The following DAB2IP variants were observed in gnomAD, a reference collection of about 807,000 sequenced individuals.
DAB2IP encodes DAB2 interacting protein.
In DAB2IP, 28 loss-of-function variants were observed where a neutral mutation model predicts 107.2. The ratio of observed to expected loss-of-function variants is 0.26; its 90% CI spans 0.19 to 0.36. DAB2IP has a LOEUF of 0.36. Among genes scored for constraint, DAB2IP ranks in the 10% least tolerant of loss-of-function variants. The probability of loss-of-function intolerance (pLI) is 1.00; values close to 1 mark genes in which losing one functional copy is unlikely to be tolerated. For synonymous variants in DAB2IP, 755 were observed against 706.4 expected, an observed-to-expected ratio of 1.07 and a Z score of -1.09; for missense variants, 1,400 against 1,644.7, an observed-to-expected ratio of 0.85 and a Z score of 2.57.
rs546740206 is a variant in DAB2IP, at chr9:121,599,777, G to C, written c.40+32549G>C. Among the ~76,000 whole-genome samples, 1 of 152,072 alleles carries C rather than the reference G, an allele frequency of 6.6e-6. No homozygotes were observed. Among genetic ancestry groups the C allele is most frequent in the South Asian group, 2.1e-4 (1 of 4,824 alleles). ...GGCCCGCGCGTAGAGGTAAAAGCTGGGGGCCGCGGCTCAGGTGGAGGGGGG... is the reference window on the plus strand; with the variant it reads ...GGCCCGCGCGTAGAGGTAAAAGCTGCGGGCCGCGGCTCAGGTGGAGGGGGG... On this transcript the variant is annotated intron_variant, in intron 1 of 16. Coordinates refer to the DAB2IP transcript ENST00000259371. The surrounding 1 kb of genome is among the most constrained non-coding windows in gnomAD (Gnocchi z 6.9).
Position 121,772,086 on chromosome 9 carries a change from G to A in DAB2IP, c.2079-521G>A, listed in dbSNP as rs1287846072. 1.3e-5 allele frequency among the ~76,000 whole-genome samples: 2 copies of A among 152,080 alleles called. No homozygotes were observed. The highest frequency in any genetic ancestry group is 2.4e-5 in the African/African-American group (1 of 41,402). ...GTTTTTGCCAGGAACTCCAGCCCCC[G>A]CCTGCCAGTCAAACAAGGGAGCGGC... On this transcript the variant is annotated intron_variant, in intron 11 of 15. Coordinates refer to ENST00000408936, the Ensembl canonical transcript of DAB2IP. This position sits in a 1 kb window ranked among gnomAD's most constrained non-coding sequence, Gnocchi z 4.7.
At chr9:121,773,559 A>T in intron 12 of DAB2IP, 64 bp downstream of exon 12, 1 of 1,373,756 alleles carries the variant, frequency 7.3e-7, no homozygotes, top group East Asian at 2.8e-5. Flanking sequence ...GTCATACCCC[A>T]TACCATGCTC....
At chr9:121,642,029 C>CTCCCTCTCTCTTTCTT (rs1832357161) in intron 1 of DAB2IP, among the ~76,000 whole-genome samples, 1 of 26,718 alleles carries the variant, frequency 3.7e-5, no homozygotes, top group Non-Finnish European at 7.4e-5. Context: ...CTCTCTCTCT[C>CTCCCTCTCTCTTTCTT]TCTTTCTTTC....
chr9:121,679,410 A>C (rs1828456032), intron 2 of DAB2IP, among the ~76,000 whole-genome samples: 1 of 143,126 alleles, frequency 7.0e-6, no homozygotes, highest in African/African-American at 2.6e-5. Flanking sequence ...GCATTTGTGC[A>C]TGTACACACA....
In DAB2IP at chr9:121,774,031, A is replaced by T. The variant is rs1834987369; in HGVS notation, c.2968-229A>T. ...TCACTCACTGTCCTCTTGGCAGCAG[A>T]GTGTGGTGCTCAGGAGGCCACCTGG... is the stretch of plus-strand genomic sequence containing the variant. On this transcript the variant is annotated intron_variant, in intron 12 of 15. Transcript: ENST00000408936. Among the ~76,000 whole-genome samples, 3 of 152,222 alleles carry T rather than the reference A, an allele frequency of 2.0e-5. No individual in the cohort carries two copies. In the South Asian group the frequency reaches 6.2e-4, roughly 32 times the overall value.
intron 1 of DAB2IP, among the ~76,000 whole-genome samples, chr9:121,646,004 C>T (rs1000998921): frequency 1.3e-5 from 2 of 152,118 alleles, no homozygotes; most frequent in African/African-American, 4.8e-5. Context: ...CTTAGAGTTC[C>T]GGCCTGTCCC....
chr9:121,628,242 G>T (rs918922788), intron 1 of DAB2IP, among the ~76,000 whole-genome samples: 2 of 152,220 alleles, frequency 1.3e-5, no homozygotes, highest in African/African-American at 4.8e-5. Context: ...TCAGAGAGTG[G>T]CTGTGATGTG....
At position 121,782,427 on chromosome 9, in the gene DAB2IP, A is replaced by C; in HGVS notation, c.3499A>C (p.Ile1167Leu). 6.2e-7 allele frequency: 1 copy of C among 1,614,112 alleles called. No homozygotes were observed. Among genetic ancestry groups the C allele is most frequent in the Non-Finnish European group, 8.5e-7 (1 of 1,179,978 alleles). Reference sequence around the variant, plus strand: ...GTACAGCATGCAAGCCCGTAACGGCATCTCCCCCACCAACCCCACCAAATT... The same window carrying C: ...GTACAGCATGCAAGCCCGTAACGGCCTCTCCCCCACCAACCCCACCAAATT... The change falls in exon 16 of 16, where the codon ATC becomes CTC. Residue 1167 changes from isoleucine (I) to leucine (L), a missense_variant. Transcript: ENST00000408936. The surrounding 1 kb of genome is among the most constrained non-coding windows in gnomAD (Gnocchi z 6.1).
At position 121,595,561 on chromosome 9, in the gene DAB2IP, C is replaced by T. The variant is rs149602468; in HGVS notation, c.40+28333C>T. On this transcript the variant is annotated intron_variant, in intron 1 of 16. Coordinates refer to the DAB2IP transcript ENST00000259371. ...GAGGCTGCAGTGAGTTATCATTATG[C>T]TACTGCACTCCAGCCTGGTTGAAAG... is the stretch of plus-strand genomic sequence containing the variant. 1.3e-4 allele frequency among the ~76,000 whole-genome samples: 19 copies of T among 149,292 alleles called. No homozygotes were observed. The East Asian group carries it at 3.7e-3, about 29-fold the overall frequency.
intron 1 of DAB2IP, among the ~76,000 whole-genome samples, chr9:121,619,792 C>A (rs1196801437): frequency 6.6e-6 from 1 of 152,158 alleles, no homozygotes; most frequent in East Asian, 1.9e-4. Context: ...GTAAGCATTG[C>A]CGTTTCTATT....
intron 2 of DAB2IP, among the ~76,000 whole-genome samples, chr9:121,694,872 T>C (rs113566055): frequency 0.024 from 3,687 of 152,256 alleles, 161 homozygotes; most frequent in African/African-American, 0.084. Flanking sequence ...AGCAGCCTTG[T>C]GCAAAAGCCC....
intron 3 of DAB2IP, among the ~76,000 whole-genome samples, chr9:121,704,902 T>G (rs952533297): frequency 4.6e-5 from 7 of 152,140 alleles, no homozygotes; most frequent in African/African-American, 1.7e-4. Flanking sequence ...AAGCCAGGCA[T>G]TGGAACCAGA....
chr9:121,780,865 C>T (rs1472725503), intron 14 of DAB2IP, among the ~76,000 whole-genome samples: 1 of 152,188 alleles, frequency 6.6e-6, no homozygotes, highest in African/African-American at 2.4e-5. Context: ...CTTCAGATGT[C>T]TCCTACTGAT....
At chr9:121,779,195 ATAAT>A (rs1835419511) in intron 14 of DAB2IP, among the ~76,000 whole-genome samples, 2 of 152,226 alleles carry the variant, frequency 1.3e-5, no homozygotes, top group Non-Finnish European at 2.9e-5. Context: ...TTCACAGCAG[ATAAT>A]TATATTTTTC....
At chr9:121,569,229 C>G (rs1367428829) in intron 1 of DAB2IP, among the ~76,000 whole-genome samples, 1 of 152,230 alleles carries the variant, frequency 6.6e-6, no homozygotes, top group Non-Finnish European at 1.5e-5. Flanking sequence ...GTCTGAGCCC[C>G]GGTTCTACAT....
chr9:121,636,799 C>T (rs932145007), intron 1 of DAB2IP, among the ~76,000 whole-genome samples: 18 of 152,318 alleles, frequency 1.2e-4, no homozygotes, highest in Admixed American at 3.9e-4. Context: ...CAAAATGACA[C>T]GGTGCAGGAC....
chr9:121,770,666 GGCAGCA>G lies in DAB2IP; in HGVS notation c.2027_2032del (p.Ser676_Ser677del), dbSNP rs768451310. ...TGACCTGGCCTCCACACCGGGCTCT[GGCAGCA>G]GCAGCATCTCAGCTGGGCTGCAGAA... On this transcript the variant is annotated inframe_deletion, in exon 11 of 16. Transcript: ENST00000408936. 2.0e-5 allele frequency: 33 copies of G among 1,614,144 alleles called. No individual in the cohort carries two copies. In the South Asian group the frequency reaches 3.4e-4, roughly 17 times the overall value.
intron 3 of DAB2IP, among the ~76,000 whole-genome samples, chr9:121,734,674 T>A (rs1196217639): frequency 6.6e-6 from 1 of 152,224 alleles, no homozygotes; most frequent in Non-Finnish European, 1.5e-5. Context: ...AAGGGGATGC[T>A]TCTTGCCTGA....
At chr9:121,624,906 A>C (rs1421022751) in intron 1 of DAB2IP, among the ~76,000 whole-genome samples, 1 of 152,204 alleles carries the variant, frequency 6.6e-6, no homozygotes, top group African/African-American at 2.4e-5. Flanking sequence ...ATAAGTATTC[A>C]TTTCTGTTGT....
Sources: gnomAD v4.1 joint callset for allele counts (sites outside exome capture counted in the v4.1 genomes callset) on GRCh38, gnomAD v4.1.1 for gene constraint, Gnocchi (gnomAD v3.1) non-coding constraint, MANE v1.5 for transcripts, NCBI Gene and HGNC (gene_info 2026-07-23, HGNC 2026-07-21) for gene names.